KAZN: variants seen among roughly 807,000 people sequenced by gnomAD.
KAZN encodes the protein kazrin.
In KAZN, 40 loss-of-function variants were observed where a neutral mutation model predicts 87.4. That is an observed-to-expected ratio of 0.46 (90% CI 0.36 to 0.60). KAZN has a LOEUF of 0.60. KAZN is among the 20% of genes least tolerant of loss of function. The pLI is 0.00. For missense variants in KAZN, 898 were observed against 1,073.9 expected, an observed-to-expected ratio of 0.84 and a Z score of 2.29; for synonymous variants, 466 against 458.3, an observed-to-expected ratio of 1.02 and a Z score of -0.22.
chr1:14,648,294 T>C (rs1220220172), intron 1 of KAZN, among the ~76,000 whole-genome samples: 1 of 152,244 alleles, frequency 6.6e-6, no homozygotes, highest in African/African-American at 2.4e-5. Context: ...TCAACTTTCT[T>C]GTATGTTTCA....
chr1:13,957,197 T>A (rs1641581688), intron 1 of KAZN, among the ~76,000 whole-genome samples: 1 of 152,166 alleles, frequency 6.6e-6, no homozygotes, highest in South Asian at 2.1e-4. Flanking sequence ...TAGCCTGACC[T>A]AGGAGTCAGG....
intron 2 of KAZN, among the ~76,000 whole-genome samples, chr1:14,491,413 G>A (rs530046430): frequency 3.3e-5 from 5 of 152,140 alleles, no homozygotes; most frequent in African/African-American, 7.2e-5. Context: ...TCAATCCGTC[G>A]TCTACATTAG....
chr1:15,011,323 T>G lies in KAZN; in HGVS notation c.419-23426T>G, dbSNP rs78809106. 7.2e-3 allele frequency among the ~76,000 whole-genome samples: 1,100 copies of G among 152,300 alleles called. 12 individuals carry two copies. The highest frequency in any genetic ancestry group is 0.026 in the African/African-American group (1,067 of 41,556). Reference sequence around the variant, plus strand: ...CTAAATCCCAGGGCTCCTGGCTGGATTGAATAAGCTGTCCCCTCTTTTGCT... The same window carrying G: ...CTAAATCCCAGGGCTCCTGGCTGGAGTGAATAAGCTGTCCCCTCTTTTGCT... On this transcript the variant is annotated intron_variant, in intron 2 of 14. Coordinates refer to ENST00000376030, the MANE Select transcript of KAZN (RefSeq NM_201628.3).
rs532382123 is a variant in KAZN, at chr1:14,210,329, G to A, written c.249+29737G>A. Among the ~76,000 whole-genome samples, 142 of 152,238 alleles carry A rather than the reference G, an allele frequency of 9.3e-4. 1 individual carries two copies. The highest frequency in any genetic ancestry group is 6.8e-3 in the Middle Eastern group (2 of 294). ...TCCTCCTTCGCCTTCTGCCATGATTGTGAGGCTTCCCCAGCCATGTGGAAC... is the reference window on the plus strand; with the variant it reads ...TCCTCCTTCGCCTTCTGCCATGATTATGAGGCTTCCCCAGCCATGTGGAAC... On this transcript the variant is annotated intron_variant, in intron 2 of 16. Transcript: ENST00000636203.
chr1:14,809,376 T>C (rs562544365), intron 1 of KAZN, among the ~76,000 whole-genome samples: 1 of 152,340 alleles, frequency 6.6e-6, no homozygotes, highest in African/African-American at 2.4e-5. Flanking sequence ...TCTCTCCCTC[T>C]GTGACTTTGC....
At chr1:15,006,458 G>A (rs72867873) in intron 2 of KAZN, among the ~76,000 whole-genome samples, 2,712 of 152,262 alleles carry the variant, frequency 0.018, 79 homozygotes, top group African/African-American at 0.06. Flanking sequence ...ACAGCGAGCC[G>A]GGAAAAGGCA....
At chr1:14,267,878 T>G (rs955584041) in intron 2 of KAZN, among the ~76,000 whole-genome samples, 2 of 152,156 alleles carry the variant, frequency 1.3e-5, no homozygotes, top group African/African-American at 4.8e-5. Flanking sequence ...GAGAATCACT[T>G]GAACCCAGGA....
chr1:14,942,607 A>C, intron 1 of KAZN, among the ~76,000 whole-genome samples: 1 of 152,178 alleles, frequency 6.6e-6, no homozygotes, highest in East Asian at 1.9e-4. Context: ...GGGTGGCTTT[A>C]AGGAAAAACA....
rs1641674468 is a variant in KAZN, at chr1:15,112,468, C to T, written c.2090C>T (p.Pro697Leu). ...GAGGCTGAGCGTTTTGGAACGCCCCCTGGCAGGGCCTCCAGCGTCACGCGG... is the reference window on the plus strand; with the variant it reads ...GAGGCTGAGCGTTTTGGAACGCCCCTTGGCAGGGCCTCCAGCGTCACGCGG... ...IREAERFGTP[P>L]GRASSVTRAG... The change falls in exon 14 of 15, where the codon CCT becomes CTT. Residue 697 changes from proline to leucine, a missense_variant. Around this residue, in one of 3 missense-constraint regions of KAZN, gnomAD observed 127 missense variants for 121.5 expected, o/e 1.04. Transcript: ENST00000376030. The T allele has an allele frequency of 6.2e-7, 1 of 1,608,188 alleles. No homozygotes were observed. Among genetic ancestry groups the T allele is most frequent in the Non-Finnish European group, 8.5e-7 (1 of 1,177,846 alleles).
At chr1:13,921,747 T>C (rs1640075879) in intron 1 of KAZN, among the ~76,000 whole-genome samples, 1 of 152,060 alleles carries the variant, frequency 6.6e-6, no homozygotes, top group South Asian at 2.1e-4. Flanking sequence ...TGCCTCAGCC[T>C]CCCGAGTAGC....
At chr1:14,644,552 G>A (rs562815781) in intron 1 of KAZN, among the ~76,000 whole-genome samples, 8 of 151,990 alleles carry the variant, frequency 5.3e-5, no homozygotes, top group African/African-American at 1.7e-4. Context: ...TAGTAGAGAC[G>A]GGGTTTCACC....
At chr1:14,161,901 A>G (rs953046428) in intron 1 of KAZN, among the ~76,000 whole-genome samples, 2 of 152,200 alleles carry the variant, frequency 1.3e-5, no homozygotes, top group African/African-American at 4.8e-5. Context: ...CAATCTAAAG[A>G]CCTGTGATCT....
Position 14,290,083 on chromosome 1 carries a change from G to A in KAZN, c.249+109491G>A, listed in dbSNP as rs543392111. On this transcript the variant is annotated intron_variant, in intron 2 of 16. Coordinates refer to the KAZN transcript ENST00000636203. The stretch of plus-strand genomic sequence containing the variant: ...ATGGGCTTCCCTTTGTGGGTAACCC[G>A]ACCTTTCTCTCTGGCTGCCCTTAAC... Among the ~76,000 whole-genome samples the A allele has an allele frequency of 2.6e-5, 4 of 152,244 alleles. No individual in the cohort carries two copies. The East Asian group carries it at 5.8e-4, about 22-fold the overall frequency.
chr1:14,875,002 A>G (rs1652592448), intron 1 of KAZN, among the ~76,000 whole-genome samples: 1 of 152,104 alleles, frequency 6.6e-6, no homozygotes, highest in African/African-American at 2.4e-5. Context: ...AGATTCCTCC[A>G]TGTTAAAGCC....
intron 1 of KAZN, among the ~76,000 whole-genome samples, chr1:14,744,970 C>T (rs1032331119): frequency 2.0e-5 from 3 of 152,122 alleles, no homozygotes; most frequent in Non-Finnish European, 2.9e-5. Flanking sequence ...GACCCAGAAC[C>T]GCCTGAGCCT....
chr1:14,263,310 G>A (rs149801235), intron 2 of KAZN, among the ~76,000 whole-genome samples: 5 of 152,264 alleles, frequency 3.3e-5, no homozygotes, highest in South Asian at 2.1e-4. Flanking sequence ...GTAACAACTC[G>A]AAAGATGATC....
intron 2 of KAZN, among the ~76,000 whole-genome samples, chr1:14,535,855 A>G (rs1672478374): frequency 6.6e-6 from 1 of 152,176 alleles, no homozygotes; most frequent in African/African-American, 2.4e-5. Context: ...TACAGAACTC[A>G]AACATCAACT....
chr1:14,906,174 TATTATAATAATAATAATAATA>T (rs1408802892), intron 1 of KAZN, among the ~76,000 whole-genome samples: 39 of 143,658 alleles, frequency 2.7e-4, no homozygotes, highest in East Asian at 1.0e-3. Flanking sequence ...TCAAAAAATA[TATTATAATAATAATAATAATA>T]ATAATAATAA....
At chr1:14,887,204 A>G (rs925115709) in intron 1 of KAZN, among the ~76,000 whole-genome samples, 1 of 151,632 alleles carries the variant, frequency 6.6e-6, no homozygotes, top group Non-Finnish European at 1.5e-5. Context: ...TTATTATTTT[A>G]CCCCCTGTGA....
Sources: allele counts gnomAD v4.1 joint callset (sites outside exome capture counted in the v4.1 genomes callset), GRCh38; gene constraint gnomAD v4.1.1; regional missense constraint gnomAD v4.1.1; transcripts MANE v1.5; gene names NCBI Gene and HGNC (gene_info 2026-07-23, HGNC 2026-07-21).